Variants in ALDH1L2 observed in about 807,000 individuals in gnomAD.
ALDH1L2 encodes the protein mitochondrial 10-formyltetrahydrofolate dehydrogenase.
ALDH1L2 carries 91 observed loss-of-function variants against 111.0 expected under a neutral mutation model. The observed-to-expected ratio is 0.82, with a 90% CI of 0.69 to 0.98. The LOEUF (loss-of-function observed/expected upper bound fraction) is 0.98, where lower values mean the gene tolerates loss of function less well. Ranked by LOEUF, ALDH1L2 falls within the 50% of genes least tolerant of loss-of-function variation. The pLI, the probability that ALDH1L2 is intolerant of heterozygous loss-of-function variation, is 0.00. For synonymous variants in ALDH1L2, 374 were observed against 392.6 expected (o/e 0.95, Z 0.56); for missense variants, 995 against 1,126.8 (o/e 0.88, Z 1.67).
intron 4 of ALDH1L2, among the ~76,000 whole-genome samples, chr12:105,068,193 A>C (rs1281507251): frequency 6.6e-6 from 1 of 152,186 alleles, no homozygotes; most frequent in Non-Finnish European, 1.5e-5. Flanking sequence ...AATGACATCA[A>C]AATTATCAGC....
At chr12:105,074,828 A>G (rs934003968) in intron 1 of ALDH1L2, among the ~76,000 whole-genome samples, 2 of 152,192 alleles carry the variant, frequency 1.3e-5, no homozygotes, top group Admixed American at 6.5e-5. Flanking sequence ...CCTGTAATTG[A>G]GCAGATAATA....
At position 105,021,639 on chromosome 12, in the gene ALDH1L2, T is replaced by A. The variant is rs564493451; in HGVS notation, c.*2785A>T. On this transcript the variant is annotated 3_prime_UTR_variant, in exon 23 of 23. Coordinates refer to ENST00000258494, the MANE Select transcript of ALDH1L2 (RefSeq NM_001034173.4). The stretch of plus-strand genomic sequence containing the variant: ...GGGTAGAGGTAGTAAGAAAAGCACG[T>A]TGATTTCTTCATTTTTTTCAGAGAT... 6.6e-6 allele frequency: 1 copy of A among 151,864 alleles called. No individual in the cohort carries two copies. Among genetic ancestry groups the A allele is most frequent in the African/African-American group, 2.4e-5 (1 of 41,420 alleles). The allele number at this position is 151,864 out of a possible 1,614,324, so 9.4% of individuals were successfully genotyped here.
chr12:105,073,634 A>C (rs962936173), intron 2 of ALDH1L2: 1 of 524,914 alleles, frequency 1.9e-6, no homozygotes, highest in Non-Finnish European at 3.3e-6. Flanking sequence ...TCTTGCAAAT[A>C]GATTTGGCCT....
At chr12:105,030,932 A>G (rs1050880374) in intron 20 of ALDH1L2, among the ~76,000 whole-genome samples, 3 of 152,146 alleles carry the variant, frequency 2.0e-5, no homozygotes, top group Admixed American at 6.5e-5. Flanking sequence ...TCTTCTACAC[A>G]TTGTATTTGG....
In ALDH1L2 at chr12:105,052,819, TC is replaced by T. The variant is rs1565960980; in HGVS notation, c.1399del (p.Asp467MetfsTer20). ...CACTAAAGAATTACTCACAGATCCA[TC>T]TGTTGGGTTGATAGTGTCGTAAGTC... The part of the protein sequence containing the change: ...GKTYDTINPT[D>X]GSTICKVSYA... On this transcript the variant is annotated frameshift_variant, in exon 11 of 23. Transcript: ENST00000258494. LOFTEE classifies it high-confidence loss of function. 6.2e-7 allele frequency: 1 copy of T among 1,614,150 alleles called. No homozygotes were observed. The highest frequency in any genetic ancestry group is 1.3e-5 in the African/African-American group (1 of 75,062).
At position 105,075,570 on chromosome 12, in the gene ALDH1L2, A is replaced by G. The variant is rs1878007169; in HGVS notation, c.49-1565T>C. Among the ~76,000 whole-genome samples the G allele has an allele frequency of 2.0e-5, 3 of 152,172 alleles. No homozygotes were observed. In the South Asian group the frequency reaches 6.2e-4, roughly 32 times the overall value. On this transcript the variant is annotated intron_variant, in intron 1 of 22. Transcript: ENST00000258494. ...ATTGCACTCCAGCCTGGGCAACAAGAGTGAAACTCTGTCCACACCCCGCCC... is the reference window on the plus strand; with the variant it reads ...ATTGCACTCCAGCCTGGGCAACAAGGGTGAAACTCTGTCCACACCCCGCCC...
At chr12:105,052,767 A>C in intron 11 of ALDH1L2, 45 bp downstream of exon 11, 1 of 1,609,598 alleles carries the variant, frequency 6.2e-7, no homozygotes, top group Non-Finnish European at 8.5e-7. Context: ...TATTAACTAA[A>C]AATCCATGAC....
intron 18 of ALDH1L2, among the ~76,000 whole-genome samples, chr12:105,035,825 CTA>C (rs370890697): frequency 0.027 from 1,689 of 62,880 alleles, 188 homozygotes; most frequent in Admixed American, 0.056. Flanking sequence ...TATAGTGTGT[CTA>C]TATATATATA....
Position 105,035,888 on chromosome 12 carries a change from C to T in ALDH1L2, c.2146-1490G>A, listed in dbSNP as rs1157530828. Among the ~76,000 whole-genome samples the T allele has an allele frequency of 1.5e-4, 17 of 116,110 alleles. 1 individual carries two copies. Among genetic ancestry groups the T allele is most frequent in the South Asian group, 2.6e-4 (1 of 3,896 alleles). 76.2% of individuals were successfully genotyped at this position (116,110 alleles called of 152,430 possible). On this transcript the variant is annotated intron_variant, in intron 18 of 22. Transcript: ENST00000258494. Reference sequence around the variant, plus strand: ...GTGTATACACACACACATATATATACGTATATTTATATGTGTATATATATT... The same window carrying T: ...GTGTATACACACACACATATATATATGTATATTTATATGTGTATATATATT...
At chr12:105,082,685 C>T (rs933942035) in intron 1 of ALDH1L2, among the ~76,000 whole-genome samples, 10 of 152,072 alleles carry the variant, frequency 6.6e-5, no homozygotes, top group Non-Finnish European at 7.4e-5. Context: ...TCTATGCGGG[C>T]AAATAAGGTT....
chr12:105,083,575 C>A (rs1014291539), intron 1 of ALDH1L2, among the ~76,000 whole-genome samples: 5 of 151,996 alleles, frequency 3.3e-5, no homozygotes, highest in African/African-American at 1.2e-4. Context: ...TAAGCAAATT[C>A]TTTTATGTAC....
chr12:105,038,159 C>A lies in ALDH1L2; in HGVS notation c.2089G>T (p.Gly697Cys). 1 of 1,613,584 alleles carries A rather than the reference C, an allele frequency of 6.2e-7. No individual in the cohort carries two copies. The highest frequency in any genetic ancestry group is 8.5e-7 in the Non-Finnish European group (1 of 1,179,746). The change falls in exon 18 of 23, where the codon GGC (glycine) becomes TGC (cysteine). Residue 697 changes from glycine to cysteine, a missense_variant. Transcript: ENST00000258494. ...TTAAATATTATAAGTGGAGACTTGC[C>A]ACCAAGCTCAAGGGAAACTTTCTTC... ...NLKKVSLELG[G>C]KSPLIIFNDC... is the part of the protein sequence containing the mutation.
chr12:105,075,215 T>C (rs1170776058), intron 1 of ALDH1L2, among the ~76,000 whole-genome samples: 2 of 152,228 alleles, frequency 1.3e-5, no homozygotes, highest in Non-Finnish European at 2.9e-5. Flanking sequence ...TCAAATGTAA[T>C]GTGCCGCTCG....
chr12:105,056,269 TAAAAG>T (rs776333391), intron 10 of ALDH1L2, among the ~76,000 whole-genome samples: 3 of 152,026 alleles, frequency 2.0e-5, no homozygotes, highest in Non-Finnish European at 2.9e-5. Context: ...CTTAAAATGA[TAAAAG>T]AAAAATACCG....
chr12:105,071,614 G>GTGTATATATATATATA (rs1877694867), intron 2 of ALDH1L2, among the ~76,000 whole-genome samples: 2 of 25,264 alleles, frequency 7.9e-5, no homozygotes, highest in African/African-American at 1.7e-4. Context: ...TATATAAGTA[G>GTGTATATATATATATA]TATATATATA....
At chr12:105,027,332 A>G (rs772916459) in intron 21 of ALDH1L2, among the ~76,000 whole-genome samples, 1 of 152,078 alleles carries the variant, frequency 6.6e-6, no homozygotes, top group Non-Finnish European at 1.5e-5. Flanking sequence ...CTCATTCATG[A>G]TCTCCCACTC....
chr12:105,035,099 C>G (rs1874915365), intron 18 of ALDH1L2, among the ~76,000 whole-genome samples: 1 of 152,138 alleles, frequency 6.6e-6, no homozygotes, highest in Admixed American at 6.5e-5. Flanking sequence ...CAGGTGTGCA[C>G]CACCTTACCC....
In ALDH1L2 at chr12:105,070,550, G is replaced by T; in HGVS notation, c.428+20C>A. On this transcript the variant is annotated intron_variant, in intron 3 of 22. Transcript: ENST00000258494. Reference sequence around the variant, plus strand: ...CAAGACCCCATCTCAAAAAAAAAAAGTAAAAAGAAAAAATCTCACCAATTG... The same window carrying T: ...CAAGACCCCATCTCAAAAAAAAAAATTAAAAAGAAAAAATCTCACCAATTG... The T allele has an allele frequency of 6.4e-7, 1 of 1,572,648 alleles. No homozygotes were observed.
intron 12 of ALDH1L2, among the ~76,000 whole-genome samples, 168 bp downstream of exon 12, chr12:105,051,919 GGAC>G (rs1876295568): frequency 6.6e-6 from 1 of 151,748 alleles, no homozygotes; most frequent in African/African-American, 2.4e-5. Context: ...TGAGTTGCTG[GGAC>G]TACAGGCACG....
Sources: allele counts gnomAD v4.1 joint callset (sites outside exome capture counted in the v4.1 genomes callset), GRCh38; gene constraint gnomAD v4.1.1; transcripts MANE v1.5; gene names NCBI Gene and HGNC (gene_info 2026-07-23, HGNC 2026-07-21).